The following ZNF503 variants were observed in gnomAD, a reference collection of about 807,000 sequenced individuals.
ZNF503 encodes zinc finger protein 503.
In ZNF503, 15 loss-of-function variants were observed where a neutral mutation model predicts 34.4. That is an observed-to-expected ratio of 0.44 (90% CI 0.29 to 0.67). The LOEUF (loss-of-function observed/expected upper bound fraction) is 0.67. ZNF503 is among the 30% of genes least tolerant of loss of function. The probability of loss-of-function intolerance (pLI) is 0.13; values close to 1 mark genes in which losing one functional copy is unlikely to be tolerated. For synonymous variants in ZNF503, 580 were observed against 456.8 expected (o/e 1.27, Z -3.44); for missense variants, 1,007 against 926.8 (o/e 1.09, Z -1.12).
chr10:75,374,930 G>A, the ZNF503 span, among the ~76,000 whole-genome samples: 3 of 152,232 alleles, frequency 2.0e-5, no homozygotes, highest in East Asian at 1.9e-4. Context: ...CCAGGCCAAG[G>A]CAGTACCTAG....
chr10:75,352,154 T>G, the ZNF503 span, among the ~76,000 whole-genome samples: 3 of 152,168 alleles, frequency 2.0e-5, no homozygotes, highest in Non-Finnish European at 2.9e-5. Context: ...CTGGCACAAG[T>G]TTGGGGCACA....
At chr10:75,328,745 T>TG in the ZNF503 span, among the ~76,000 whole-genome samples, 2 of 96,352 alleles carry the variant, frequency 2.1e-5, no homozygotes, top group Non-Finnish European at 4.1e-5. Flanking sequence ...AAATGTCTTT[T>TG]CTTTTTTTTT....
At chr10:75,381,802 A>ATTATTTTTT in the ZNF503 span, among the ~76,000 whole-genome samples, 1 of 41,376 alleles carries the variant, frequency 2.4e-5, no homozygotes, top group Non-Finnish European at 5.4e-5. Context: ...ACAGAACCTA[A>ATTATTTTTT]TTCTTTTTTT....
the ZNF503 span, among the ~76,000 whole-genome samples, chr10:75,299,991 G>A: frequency 6.6e-6 from 1 of 152,192 alleles, no homozygotes; most frequent in Non-Finnish European, 1.5e-5. Context: ...GGGTTTGAGA[G>A]CAACTGGTCT....
At chr10:75,366,153 G>T in the ZNF503 span, among the ~76,000 whole-genome samples, 1 of 152,310 alleles carries the variant, frequency 6.6e-6, no homozygotes, top group Admixed American at 6.5e-5. Flanking sequence ...AGAGAACATC[G>T]TGCTTAGGAG....
In ZNF503 at chr10:75,399,500, G is replaced by A. The variant is rs1843751783; in HGVS notation, c.1190C>T (p.Ala397Val). The change falls in exon 2 of 2, where the codon GCC (alanine) becomes GTC (valine). Residue 397 changes from alanine to valine, a missense_variant. Ala to Val is a moderately conservative substitution (Grantham distance 64). Transcript: ENST00000372524. ...GSLVGAQLAA[A>V]AAGSLGCSKP... ...ACTGCAGCCCAGAGACCCGGCCGCG[G>A]CCGCCGCCAGCTGCGCCCCCACCAG... 2 of 1,568,900 alleles carry A rather than the reference G, an allele frequency of 1.3e-6. No individual in the cohort carries two copies. The highest frequency in any genetic ancestry group is 1.7e-6 in the Non-Finnish European group (2 of 1,164,480).
chr10:75,360,160 A>G, the ZNF503 span, among the ~76,000 whole-genome samples: 108,086 of 142,922 alleles, frequency 0.76, 41,015 homozygotes, highest in African/African-American at 0.84. Flanking sequence ...TCGCTCTGTC[A>G]CCCAGGCTGG....
chr10:75,390,502 A>G, the ZNF503 span, among the ~76,000 whole-genome samples: 1 of 150,644 alleles, frequency 6.6e-6, no homozygotes, highest in East Asian at 2.0e-4. Flanking sequence ...CCTACTCTAC[A>G]TCATTGCATT....
the ZNF503 span, among the ~76,000 whole-genome samples, chr10:75,363,085 C>T: frequency 6.7e-6 from 1 of 150,330 alleles, no homozygotes; most frequent in Non-Finnish European, 1.5e-5. Context: ...CATGCATACA[C>T]ACACACACAC....
chr10:75,285,170 G>T, the ZNF503 span, among the ~76,000 whole-genome samples: 3 of 152,232 alleles, frequency 2.0e-5, no homozygotes, highest in African/African-American at 7.2e-5. Context: ...TGTGCTGCAA[G>T]CTTTGTGTTC....
chr10:75,317,378 C>T, the ZNF503 span, among the ~76,000 whole-genome samples: 6 of 142,428 alleles, frequency 4.2e-5, no homozygotes, highest in South Asian at 7.3e-4. Flanking sequence ...CTCGGGTTCA[C>T]GCCATTCTCC....
At chr10:75,290,575 A>G in the ZNF503 span, among the ~76,000 whole-genome samples, 2 of 152,216 alleles carry the variant, frequency 1.3e-5, no homozygotes, top group Non-Finnish European at 2.9e-5. Context: ...ACAGGATGGG[A>G]ATTAGCCTCC....
the ZNF503 span, among the ~76,000 whole-genome samples, chr10:75,334,839 C>A: frequency 5.9e-5 from 9 of 152,180 alleles, no homozygotes; most frequent in Admixed American, 2.6e-4. Flanking sequence ...GTGTGCAAAT[C>A]TGCAAATTAC....
chr10:75,317,246 A>G, the ZNF503 span, among the ~76,000 whole-genome samples: 2 of 138,894 alleles, frequency 1.4e-5, no homozygotes, highest in East Asian at 4.4e-4. Context: ...CTGGCCCAAC[A>G]TCCCACACAT....
the ZNF503 span, among the ~76,000 whole-genome samples, chr10:75,351,193 G>A: frequency 2.6e-5 from 4 of 151,332 alleles, no homozygotes; most frequent in Non-Finnish European, 5.9e-5. Flanking sequence ...TCTTTTTTGA[G>A]ATGGAGTCTC....
At chr10:75,383,862 G>A in the ZNF503 span, among the ~76,000 whole-genome samples, 3 of 152,364 alleles carry the variant, frequency 2.0e-5, no homozygotes, top group East Asian at 5.8e-4. Flanking sequence ...CTGGCAGTCT[G>A]TTGGCTATTT....
chr10:75,343,045 G>C, the ZNF503 span, among the ~76,000 whole-genome samples: 1 of 152,216 alleles, frequency 6.6e-6, no homozygotes. Flanking sequence ...CAAGGACTGG[G>C]TAAGAGTGAA....
Position 75,401,526 on chromosome 10 carries a change from G to T in ZNF503, c.-107C>A. ...GGAGCAGGAGCAGCGGGAGGAGGAGGAGCTGGCGCGGCGGCCACGGGCGCC... is the reference window on the plus strand; with the variant it reads ...GGAGCAGGAGCAGCGGGAGGAGGAGTAGCTGGCGCGGCGGCCACGGGCGCC... On this transcript the variant is annotated 5_prime_UTR_variant, in exon 1 of 2. Transcript: ENST00000372524. The T allele has an allele frequency of 1.4e-6, 2 of 1,380,342 alleles. No homozygotes were observed. Among genetic ancestry groups the T allele is most frequent in the East Asian group, 3.0e-5 (1 of 33,786 alleles). The allele number at this position is 1,380,342 out of a possible 1,614,324, so 85.5% of individuals were successfully genotyped here.
the ZNF503 span, among the ~76,000 whole-genome samples, chr10:75,300,906 A>G: frequency 3.3e-5 from 5 of 151,796 alleles, no homozygotes; most frequent in African/African-American, 1.2e-4. Context: ...GGGTTTCACT[A>G]TGTTGGCCAG....
Sources: allele counts gnomAD v4.1 joint callset (sites outside exome capture counted in the v4.1 genomes callset), GRCh38; gene constraint gnomAD v4.1.1; transcripts MANE v1.5; gene names NCBI Gene and HGNC (gene_info 2026-07-23, HGNC 2026-07-21).